Variants in UST observed in about 807,000 individuals in gnomAD.
UST encodes uronyl 2-sulfotransferase, also known as chondroitin sulfate 2-O-sulfotransferase.
UST carries 21 observed loss-of-function variants against 45.6 expected under a neutral mutation model. The observed-to-expected ratio is 0.46, with a 90% CI of 0.33 to 0.66. UST has a LOEUF of 0.66. UST is among the 30% of genes least tolerant of loss of function. The pLI is 0.02. For missense variants in UST, 463 were observed against 512.4 expected (o/e 0.90, Z 0.93); for synonymous variants, 215 against 200.6 (o/e 1.07, Z -0.61).
intron 1 of UST, among the ~76,000 whole-genome samples, chr6:148,847,416 G>A (rs767439719): frequency 7.9e-5 from 12 of 152,342 alleles, no homozygotes; most frequent in South Asian, 2.1e-4. Context: ...GCCAGGGGCC[G>A]CCCAAGGTTC....
chr6:148,754,491 AT>A (rs1293751289), intron 1 of UST, among the ~76,000 whole-genome samples: 1 of 152,004 alleles, frequency 6.6e-6, no homozygotes, highest in Non-Finnish European at 1.5e-5. Flanking sequence ...CCCAAAGTCC[AT>A]TGTGTCATTC....
chr6:148,747,725 G>A, intron 1 of UST, 48 bp downstream of exon 1: 1 of 1,514,410 alleles, frequency 6.6e-7, no homozygotes. Context: ...GCGCAAAGTT[G>A]TGCGGCGGGG....
At chr6:148,967,640 G>A (rs1403579347) in intron 5 of UST, among the ~76,000 whole-genome samples, 1 of 152,192 alleles carries the variant, frequency 6.6e-6, no homozygotes, top group Non-Finnish European at 1.5e-5. Flanking sequence ...AGGCAGCTGT[G>A]AGGAGCCCAC....
chr6:148,925,794 C>T (rs747217544), intron 2 of UST, among the ~76,000 whole-genome samples: 2 of 152,188 alleles, frequency 1.3e-5, no homozygotes, highest in Non-Finnish European at 2.9e-5. Context: ...TTTCCAGGTG[C>T]AAGATGCTTT....
At chr6:148,989,197 A>G (rs774294857) in intron 5 of UST, among the ~76,000 whole-genome samples, 4 of 145,616 alleles carry the variant, frequency 2.7e-5, no homozygotes, top group African/African-American at 7.7e-5. Context: ...GAATTACTTG[A>G]CTTCAGTAAA....
At chr6:148,881,622 C>T (rs1778824224) in intron 1 of UST, among the ~76,000 whole-genome samples, 1 of 152,142 alleles carries the variant, frequency 6.6e-6, no homozygotes, top group Non-Finnish European at 1.5e-5. Flanking sequence ...CCACTTCCAC[C>T]TTTTCTTCCC....
chr6:149,000,947 A>G (rs1781537498), intron 5 of UST, among the ~76,000 whole-genome samples: 1 of 152,238 alleles, frequency 6.6e-6, no homozygotes, highest in Non-Finnish European at 1.5e-5. Context: ...AGAGACATGG[A>G]AAAAATATTG....
At chr6:148,760,896 A>G (rs1029528210) in intron 1 of UST, among the ~76,000 whole-genome samples, 6 of 152,218 alleles carry the variant, frequency 3.9e-5, no homozygotes, top group African/African-American at 1.4e-4. Context: ...AGTAAGCACA[A>G]AGAGAAATGA....
chr6:148,957,861 A>G (rs769771473), intron 4 of UST, among the ~76,000 whole-genome samples: 11 of 152,236 alleles, frequency 7.2e-5, no homozygotes, highest in Admixed American at 2.0e-4. Context: ...TTGTTTCAGG[A>G]TAATGAGGTT....
At chr6:148,806,234 T>G (rs1169255425) in intron 1 of UST, among the ~76,000 whole-genome samples, 1 of 152,240 alleles carries the variant, frequency 6.6e-6, no homozygotes, top group Admixed American at 6.5e-5. Context: ...TGTAGACTCA[T>G]GCTAAATCAG....
At chr6:148,944,484 C>T (rs1041436106) in intron 3 of UST, among the ~76,000 whole-genome samples, 2 of 150,078 alleles carry the variant, frequency 1.3e-5, no homozygotes, top group African/African-American at 4.9e-5. Flanking sequence ...ACATGCATTG[C>T]TCTCTGGAGG....
At chr6:148,947,236 G>T (rs1214942750) in intron 3 of UST, among the ~76,000 whole-genome samples, 1 of 152,054 alleles carries the variant, frequency 6.6e-6, no homozygotes, top group Non-Finnish European at 1.5e-5. Context: ...TCAGACCTTG[G>T]CAATGACCTT....
At position 148,805,035 on chromosome 6, in the gene UST, G is replaced by C. The variant is rs141513789; in HGVS notation, c.247+57358G>C. ...ACATATAGTATTTTTCCAGTGTGCT[G>C]TCCCTCTATGTTTGCATATTTATAT... On this transcript the variant is annotated intron_variant, in intron 1 of 7. Transcript: ENST00000367463. 1.5e-4 allele frequency among the ~76,000 whole-genome samples: 23 copies of C among 152,028 alleles called. No homozygotes were observed. In the East Asian group the frequency reaches 4.4e-3, roughly 29 times the overall value.
At chr6:148,782,251 TGG>T (rs1491411411) in intron 1 of UST, among the ~76,000 whole-genome samples, 20,350 of 152,086 alleles carry the variant, frequency 0.13, 1,603 homozygotes, top group Middle Eastern at 0.17. Flanking sequence ...TTGTCATTCA[TGG>T]AAGAAGGTCA....
At chr6:149,004,570 G>A (rs1245319856) in intron 5 of UST, among the ~76,000 whole-genome samples, 1 of 152,182 alleles carries the variant, frequency 6.6e-6, no homozygotes, top group Non-Finnish European at 1.5e-5. Context: ...AACCGGACCT[G>A]GTGACTGGCT....
chr6:148,957,141 T>C (rs182699779), intron 4 of UST, among the ~76,000 whole-genome samples: 133 of 152,348 alleles, frequency 8.7e-4, no homozygotes, highest in African/African-American at 3.1e-3. Context: ...AGAGACTGCC[T>C]GACCAGCTTT....
intron 5 of UST, among the ~76,000 whole-genome samples, chr6:148,972,039 A>G (rs1780928467): frequency 1.3e-5 from 2 of 152,208 alleles, no homozygotes; most frequent in Non-Finnish European, 2.9e-5. Context: ...TGAGGGAGCA[A>G]TTACAAAGAC....
intron 5 of UST, among the ~76,000 whole-genome samples, chr6:148,991,778 A>G (rs1198314763): frequency 6.6e-6 from 1 of 152,118 alleles, no homozygotes; most frequent in African/African-American, 2.4e-5. Flanking sequence ...AATTCAATGG[A>G]TTAGGTCTCC....
In UST at chr6:148,747,190, C is replaced by G. The variant is rs1188551473; in HGVS notation, c.-241C>G. ...TAGCGGGCGCCGGACGGGCGCGGCG[C>G]CCCGTCACGGGCAGCGCCCCGAACC... On this transcript the variant is annotated 5_prime_UTR_variant, in exon 1 of 8. Transcript: ENST00000367463. 8.0e-6 allele frequency: 2 copies of G among 248,734 alleles called. No individual in the cohort carries two copies. The highest frequency in any genetic ancestry group is 1.5e-5 in the Non-Finnish European group (2 of 136,532). 15.4% of individuals were successfully genotyped at this position (248,734 alleles called of 1,614,324 possible).
Sources: gnomAD v4.1 joint callset for allele counts (sites outside exome capture counted in the v4.1 genomes callset) on GRCh38, gnomAD v4.1.1 for gene constraint, MANE v1.5 for transcripts, NCBI Gene and HGNC (gene_info 2026-07-23, HGNC 2026-07-21) for gene names.